HERC2: variants seen among roughly 807,000 people sequenced by gnomAD.
HERC2 encodes HECT and RLD domain containing E3 ubiquitin protein ligase 2, also known as E3 ubiquitin-protein ligase HERC2.
HERC2 carries 102 observed loss-of-function variants against 537.7 expected under a neutral mutation model. That is an observed-to-expected ratio of 0.19 (90% CI 0.16 to 0.22). HERC2 has a LOEUF of 0.22. Ranked by LOEUF, HERC2 falls within the 10% of genes least tolerant of loss-of-function variation. The pLI is 1.00. For missense variants in HERC2, 4,236 were observed against 6,198.2 expected, an observed-to-expected ratio of 0.68 and a Z score of 10.63; for synonymous variants, 2,224 against 2,466.2, an observed-to-expected ratio of 0.90 and a Z score of 2.91.
intron 2 of HERC2, among the ~76,000 whole-genome samples, chr15:28,316,915 T>G (rs1245202695): frequency 1.3e-5 from 2 of 151,848 alleles, no homozygotes. Context: ...TAGCTGGGAC[T>G]ACAGGCACGT....
chr15:28,317,855 A>G (rs1237738171), intron 2 of HERC2, among the ~76,000 whole-genome samples: 1 of 152,248 alleles, frequency 6.6e-6, no homozygotes, highest in African/African-American at 2.4e-5. Context: ...GCAAATATAC[A>G]GTGACCTCTC....
Position 28,313,889 on chromosome 15 carries a change from A to G in HERC2, c.72+7473T>C, listed in dbSNP as rs1288186470. On this transcript the variant is annotated intron_variant, in intron 2 of 92. Coordinates refer to ENST00000261609, the MANE Select transcript of HERC2 (RefSeq NM_004667.6). ...CAAGCAGGGATGAGACTGAGAAGCA[A>G]AACGGAGCTTCTGAGAGACTCCCAG... Among the ~76,000 whole-genome samples, 8 of 152,264 alleles carry G rather than the reference A, an allele frequency of 5.3e-5. No individual in the cohort carries two copies. The South Asian group carries it at 8.3e-4, about 16-fold the overall frequency.
At chr15:28,112,781 T>C (rs988006798) in intron 92 of HERC2, among the ~76,000 whole-genome samples, 1 of 152,184 alleles carries the variant, frequency 6.6e-6, no homozygotes, top group Admixed American at 6.5e-5. Context: ...TTCGACCAGA[T>C]AACTGAATGA....
rs1890554096 is a variant in HERC2 at position 28,135,580 on chromosome 15, G to T, written c.12128C>A (p.Ala4043Asp). The T allele has an allele frequency of 6.2e-7, 1 of 1,614,034 alleles. No individual in the cohort carries two copies. Among genetic ancestry groups the T allele is most frequent in the Non-Finnish European group, 8.5e-7 (1 of 1,179,988 alleles). The change falls in exon 79 of 93, where the codon GCT becomes GAT. Residue 4043 changes from alanine (A) to aspartate (D), a missense_variant. This residue lies in a region of HERC2 where 43 missense variants were observed against 82.6 expected (regional missense o/e 0.52). Transcript: ENST00000261609. ...SIQHVFIKKV[A>D]VNSGGKHCLA... is the part of the protein sequence containing the mutation. ...GCAGTGCTTTCCTCCAGAGTTCACA[G>T]CTACTTTCTTAATAAACACATGCTG...
At chr15:28,226,995 C>G (rs1317247855) in intron 35 of HERC2, among the ~76,000 whole-genome samples, 32 of 152,208 alleles carry the variant, frequency 2.1e-4, no homozygotes, top group Non-Finnish European at 1.8e-4. Context: ...GAGAAACGGG[C>G]TGGGCGCAGT....
intron 65 of HERC2, among the ~76,000 whole-genome samples, chr15:28,171,977 A>G (rs1289864425): frequency 6.8e-6 from 1 of 147,560 alleles, no homozygotes; most frequent in South Asian, 2.1e-4. Context: ...TGGGAGGCTG[A>G]GGCAGGAGAA....
chr15:28,307,030 T>C (rs2076808350), intron 2 of HERC2, among the ~76,000 whole-genome samples: 1 of 152,194 alleles, frequency 6.6e-6, no homozygotes, highest in Non-Finnish European at 1.5e-5. Flanking sequence ...AGTTGGAGTT[T>C]CACCATGTTG....
chr15:28,269,466 T>TA, intron 10 of HERC2, 30 bp from the exon 11 acceptor site: 1 of 1,545,232 alleles, frequency 6.5e-7, no homozygotes, highest in South Asian at 1.1e-5. Flanking sequence ...ACATTTCCTT[T>TA]AACAACAACA....
chr15:28,137,167 T>C (rs898340533), intron 78 of HERC2, among the ~76,000 whole-genome samples: 2 of 152,194 alleles, frequency 1.3e-5, no homozygotes, highest in Non-Finnish European at 2.9e-5. Context: ...TATGTTAAAA[T>C]AACCAGAGAA....
chr15:28,291,319 G>A (rs1241439432), intron 4 of HERC2, among the ~76,000 whole-genome samples: 1 of 152,004 alleles, frequency 6.6e-6, no homozygotes, highest in African/African-American at 2.4e-5. Flanking sequence ...CAAACTGCTG[G>A]CCTCAAGCAA....
chr15:28,131,045 A>G (rs1346651801), intron 81 of HERC2, among the ~76,000 whole-genome samples: 1 of 151,850 alleles, frequency 6.6e-6, no homozygotes, highest in Non-Finnish European at 1.5e-5. Flanking sequence ...CACCCTCCAC[A>G]CTGCACACCT....
intron 5 of HERC2, among the ~76,000 whole-genome samples, chr15:28,275,388 C>T (rs2075844222): frequency 6.6e-6 from 1 of 152,158 alleles, no homozygotes; most frequent in Admixed American, 6.5e-5. Flanking sequence ...GCAGCAGAGC[C>T]GCAGAGGGTA....
intron 3 of HERC2, among the ~76,000 whole-genome samples, chr15:28,297,107 C>A (rs540842772): frequency 6.6e-6 from 1 of 152,354 alleles, no homozygotes; most frequent in East Asian, 1.9e-4. Flanking sequence ...TAAATGTAAG[C>A]TTTGGTGTCT....
rs770291863 is a variant in HERC2 at position 28,177,502 on chromosome 15, C to A, written c.9171G>T (p.Arg3057=). The A allele has an allele frequency of 2.5e-6, 4 of 1,614,056 alleles. No homozygotes were observed. In the African/African-American group the frequency reaches 5.3e-5, roughly 22 times the overall value. Residue 3057 remains arginine (R), a synonymous_variant, in exon 60 of 93, where the codon CGG becomes CGT. Transcript: ENST00000261609. This position sits in a 1 kb window ranked among gnomAD's most constrained non-coding sequence, Gnocchi z 5.0. ...VKKVAVHSGG[R]HATALTVDGK... The stretch of plus-strand genomic sequence containing the variant: ...CATCGACAGTTAAAGCCGTCGCGTG[C>A]CGGCCACCTGCAACATTCACAGACA...
Position 28,196,460 on chromosome 15 carries a change from C to T in HERC2, c.8120+1G>A. 1 of 1,609,280 alleles carries T rather than the reference C, an allele frequency of 6.2e-7. No homozygotes were observed. The highest frequency in any genetic ancestry group is 8.5e-7 in the Non-Finnish European group (1 of 1,176,258). On this transcript the variant is annotated splice_donor_variant, in intron 51 of 92. Transcript: ENST00000261609. LOFTEE classifies it high-confidence loss of function. ...ATCTAGCAACCATAAAAATAACTCA[C>T]GTAACCCCAGGATGAATACTGGGTA... is the stretch of plus-strand genomic sequence containing the variant.
rs763608777 is a variant in HERC2 at position 28,254,438 on chromosome 15, G to C, written c.2952C>G (p.Ser984Arg). Reference protein sequence around the residue: ...QEANASTFHRSRTPLDKDLIN... With the variant: ...QEANASTFHRRRTPLDKDLIN... ...TAAGGTCTTTATCCAGTGGAGTCCT[G>C]CTTCTATGAAATGTTGAGGCATTCG... Residue 984 changes from serine to arginine, a missense_variant, in exon 20 of 93, where the codon AGC (serine) becomes AGG (arginine). Physicochemically the swap from Ser to Arg is moderately radical, Grantham distance 110. Coordinates refer to ENST00000261609, the MANE Select transcript of HERC2 (RefSeq NM_004667.6). 2.5e-6 allele frequency: 4 copies of C among 1,607,538 alleles called. 1 individual carries two copies. The South Asian group carries it at 4.5e-5, about 18-fold the overall frequency.
chr15:28,222,527 ATTT>A (rs1012247200), intron 35 of HERC2, among the ~76,000 whole-genome samples: 9 of 152,330 alleles, frequency 5.9e-5, no homozygotes, highest in African/African-American at 1.9e-4. Flanking sequence ...TATTCATCAT[ATTT>A]TTTATTAATA....
At chr15:28,136,153 A>C (rs978641555) in intron 78 of HERC2, among the ~76,000 whole-genome samples, 1 of 152,078 alleles carries the variant, frequency 6.6e-6, no homozygotes. Flanking sequence ...TCTAAGTGGG[A>C]ATGTTTTAGG....
intron 68 of HERC2, among the ~76,000 whole-genome samples, chr15:28,167,471 A>G (rs1390346153): frequency 6.6e-6 from 1 of 152,328 alleles, no homozygotes; most frequent in Non-Finnish European, 1.5e-5. Context: ...ATCAAGCTGC[A>G]GTCCTGATAC....
Sources: gnomAD v4.1 joint callset for allele counts (sites outside exome capture counted in the v4.1 genomes callset) on GRCh38, gnomAD v4.1.1 for gene constraint, gnomAD v4.1.1 regional missense constraint, Gnocchi (gnomAD v3.1) non-coding constraint, MANE v1.5 for transcripts, NCBI Gene and HGNC (gene_info 2026-07-23, HGNC 2026-07-21) for gene names.